Variants in FAM120A observed in about 807,000 individuals in gnomAD.
The protein encoded by FAM120A is family with sequence similarity 120 member A, also known as constitutive coactivator of PPAR-gamma-like protein 1.
Under a neutral mutation model 109.7 loss-of-function variants are expected in FAM120A, and 15 were observed. The ratio of observed to expected loss-of-function variants is 0.14; its 90% CI spans 0.09 to 0.21. FAM120A has a LOEUF of 0.21. Among genes scored for constraint, FAM120A ranks in the 10% least tolerant of loss-of-function variants. The probability of loss-of-function intolerance (pLI) is 1.00; values close to 1 mark genes in which losing one functional copy is unlikely to be tolerated. For synonymous variants in FAM120A, 493 were observed against 572.8 expected (o/e 0.86, Z 1.99); for missense variants, 899 against 1,439.3 (o/e 0.62, Z 6.07).
intron 5 of FAM120A, among the ~76,000 whole-genome samples, chr9:93,508,967 T>C (rs1860193563): frequency 6.6e-6 from 1 of 152,214 alleles, no homozygotes; most frequent in Admixed American, 6.5e-5. Flanking sequence ...AAATGCCAGA[T>C]GACTGATCCT....
At chr9:93,551,423 C>G (rs1294415565) in intron 12 of FAM120A, among the ~76,000 whole-genome samples, 5 of 152,306 alleles carry the variant, frequency 3.3e-5, no homozygotes, top group Non-Finnish European at 5.9e-5. Flanking sequence ...AAGTTCAAGA[C>G]TTTTCAAAGC....
intron 11 of FAM120A, among the ~76,000 whole-genome samples, chr9:93,550,257 G>T (rs1378471145): frequency 6.6e-6 from 1 of 152,160 alleles, no homozygotes; most frequent in Non-Finnish European, 1.5e-5. Context: ...CCTGAAAATT[G>T]GTACTTAGAA....
At chr9:93,497,935 C>T (rs1301994053) in intron 4 of FAM120A, among the ~76,000 whole-genome samples, 1 of 152,252 alleles carries the variant, frequency 6.6e-6, no homozygotes, top group East Asian at 1.9e-4. Context: ...GTTTTCAGAA[C>T]ATGAACTGTA....
chr9:93,460,489 G>A (rs118133531), intron 1 of FAM120A, among the ~76,000 whole-genome samples: 2,947 of 151,972 alleles, frequency 0.019, 38 homozygotes, highest in Non-Finnish European at 0.027. Flanking sequence ...TTACAGGCAC[G>A]CCATGCCCAG....
Position 93,516,243 on chromosome 9 carries a change from C to T in FAM120A, c.1392C>T (p.Asn464=), listed in dbSNP as rs549730241. 2.2e-5 allele frequency: 36 copies of T among 1,613,026 alleles called. No individual in the cohort carries two copies. Among genetic ancestry groups the T allele is most frequent in the Middle Eastern group, 1.7e-4 (1 of 6,046 alleles). ...PGSSTSSSSD[N]DEGSGGATNH... is the part of the protein sequence containing the mutation. ...CTTCTACATCGTCATCTTCCGACAA[C>T]GACGAGGGCAGCGGAGGGGCGACAA... The change falls in exon 7 of 18, where the codon AAC becomes AAT. Residue 464 remains asparagine (N), a synonymous_variant. Transcript: ENST00000277165.
At chr9:93,548,624 TA>T (rs1196247726) in intron 11 of FAM120A, among the ~76,000 whole-genome samples, 1 of 152,156 alleles carries the variant, frequency 6.6e-6, no homozygotes, top group Non-Finnish European at 1.5e-5. Flanking sequence ...GAAATTAAAA[TA>T]AAAGGAATAT....
chr9:93,465,023 G>A (rs1483458737), intron 1 of FAM120A, among the ~76,000 whole-genome samples: 1 of 152,130 alleles, frequency 6.6e-6, no homozygotes, highest in Non-Finnish European at 1.5e-5. Context: ...AGATAAATAA[G>A]AGTGAGAGAG....
intron 2 of FAM120A, among the ~76,000 whole-genome samples, chr9:93,475,626 T>C (rs1003158739): frequency 6.6e-6 from 1 of 152,208 alleles, no homozygotes; most frequent in Non-Finnish European, 1.5e-5. Flanking sequence ...GTTTCTCAAT[T>C]GAATACAGTT....
chr9:93,471,397 G>A lies in FAM120A; in HGVS notation c.721+10G>A, dbSNP rs752103105. 2.5e-6 allele frequency: 4 copies of A among 1,613,936 alleles called. No homozygotes were observed. Among genetic ancestry groups the A allele is most frequent in the East Asian group, 2.2e-5 (1 of 44,882 alleles). On this transcript the variant is annotated intron_variant, in intron 2 of 17. Transcript: ENST00000277165. ...TTTGCTGCTCTCTTAGGTAGGTGGA[G>A]CAGTGTGAAAATATTTTATAAGGGA...
rs773546079 is a variant in FAM120A, at chr9:93,452,683, A to T, written c.474+294A>T. 6.3e-7 allele frequency: 1 copy of T among 1,598,598 alleles called. No individual in the cohort carries two copies. The highest frequency in any genetic ancestry group is 8.5e-7 in the Non-Finnish European group (1 of 1,179,910). On this transcript the variant is annotated intron_variant, in intron 1 of 17. Transcript: ENST00000277165. This position sits in a 1 kb window ranked among gnomAD's most constrained non-coding sequence, Gnocchi z 7.0. ...AGAATTCGGAGGCGACAGTGTCATC[A>T]TCCCCAATATCCTTAGTTTTTCCCA...
In FAM120A at chr9:93,565,073, G is replaced by GT. The variant is rs1862590046; in HGVS notation, c.*535dup. ...ATCACTGTTGATGTGGTTCTTTTGT[G>GT]TTAAAAAAAAAAAGTGCAACTATCA... is the stretch of plus-strand genomic sequence containing the variant. On this transcript the variant is annotated 3_prime_UTR_variant, in exon 18 of 18. Transcript: ENST00000277165. 2 of 151,164 alleles carry GT rather than the reference G, an allele frequency of 1.3e-5. No individual in the cohort carries two copies. Among genetic ancestry groups the GT allele is most frequent in the Admixed American group, 6.6e-5 (1 of 15,162 alleles). The allele number at this position is 151,164 out of a possible 1,614,324, so 9.4% of individuals were successfully genotyped here.
At chr9:93,493,836 C>T (rs1859447825) in intron 3 of FAM120A, among the ~76,000 whole-genome samples, 1 of 145,906 alleles carries the variant, frequency 6.9e-6, no homozygotes, top group Non-Finnish European at 1.5e-5. Context: ...TCGCAGTCAG[C>T]CAGCTTCTGT....
intron 11 of FAM120A, among the ~76,000 whole-genome samples, chr9:93,549,695 A>G (rs1376809811): frequency 2.0e-5 from 3 of 152,248 alleles, no homozygotes; most frequent in African/African-American, 7.2e-5. Flanking sequence ...TATTTGCCAG[A>G]GATCACGTCG....
intron 3 of FAM120A, among the ~76,000 whole-genome samples, chr9:93,477,475 A>G (rs1477881706): frequency 5.3e-5 from 8 of 152,224 alleles, no homozygotes; most frequent in Non-Finnish European, 1.2e-4. Context: ...ATTTCTGGCC[A>G]TAGAATCCCT....
chr9:93,476,627 A>C (rs1858560101), intron 3 of FAM120A, among the ~76,000 whole-genome samples: 1 of 152,162 alleles, frequency 6.6e-6, no homozygotes, highest in Non-Finnish European at 1.5e-5. Context: ...CTGATGTTTT[A>C]TATATTAATT....
chr9:93,476,712 T>C (rs1035561186), intron 3 of FAM120A, among the ~76,000 whole-genome samples: 1 of 152,250 alleles, frequency 6.6e-6, no homozygotes, highest in Non-Finnish European at 1.5e-5. Flanking sequence ...CTTTGCATAG[T>C]TGATAAATTT....
chr9:93,479,127 C>T (rs1198684706), intron 3 of FAM120A, among the ~76,000 whole-genome samples: 11 of 113,726 alleles, frequency 9.7e-5, no homozygotes, highest in African/African-American at 3.1e-4. Context: ...GAGACGGAGT[C>T]TCGCTCTGTC....
chr9:93,505,311 C>T lies in FAM120A; in HGVS notation c.1030+6425C>T, dbSNP rs374931480. ...TCCTGACCTCGTGATCCGCCCGCCT[C>T]GGCCTCCCGAAATGCTGGGATTACA... is the stretch of plus-strand genomic sequence containing the variant. On this transcript the variant is annotated intron_variant, in intron 5 of 17. Coordinates refer to ENST00000277165, the MANE Select transcript of FAM120A (RefSeq NM_014612.5). Among the ~76,000 whole-genome samples, 102 of 152,152 alleles carry T rather than the reference C, an allele frequency of 6.7e-4. 1 individual carries two copies. The South Asian group carries it at 0.019, about 29-fold the overall frequency.
intron 10 of FAM120A, among the ~76,000 whole-genome samples, chr9:93,542,093 T>A (rs1277375072): frequency 6.6e-6 from 1 of 152,172 alleles, no homozygotes; most frequent in Non-Finnish European, 1.5e-5. Flanking sequence ...TTAATGTAAT[T>A]TGGATAGAAT....
Sources: allele counts gnomAD v4.1 joint callset (sites outside exome capture counted in the v4.1 genomes callset), GRCh38; gene constraint gnomAD v4.1.1; non-coding constraint Gnocchi (gnomAD v3.1); transcripts MANE v1.5; gene names NCBI Gene and HGNC (gene_info 2026-07-23, HGNC 2026-07-21).